Variants in CPNE5 observed in about 807,000 individuals in gnomAD.
CPNE5 encodes copine 5, also known as copine-5.
CPNE5 carries 42 observed loss-of-function variants against 81.1 expected under a neutral mutation model. The observed-to-expected ratio is 0.52, with a 90% CI of 0.40 to 0.67. The LOEUF (loss-of-function observed/expected upper bound fraction) is 0.67, where lower values mean the gene tolerates loss of function less well. Among genes scored for constraint, CPNE5 ranks in the 30% least tolerant of loss-of-function variants. The pLI is 0.00. For missense variants in CPNE5, 612 were observed against 815.5 expected (o/e 0.75, Z 3.04); for synonymous variants, 313 against 321.5 (o/e 0.97, Z 0.28).
chr6:36,756,441 G>A (rs1159460942), intron 12 of CPNE5, 143 bp from the exon 13 acceptor site: 5 of 656,954 alleles, frequency 7.6e-6, no homozygotes, highest in Non-Finnish European at 1.3e-5. Context: ...CAGGGGAGAA[G>A]GGTTTAAGGA....
intron 4 of CPNE5, among the ~76,000 whole-genome samples, 157 bp from the exon 5 acceptor site, chr6:36,798,651 C>T (rs1376406467): frequency 6.6e-6 from 1 of 152,068 alleles, no homozygotes. Flanking sequence ...TGACAGGGAG[C>T]CTTCTGGGTG....
chr6:36,826,772 C>T (rs1276759815), intron 1 of CPNE5, among the ~76,000 whole-genome samples: 1 of 152,256 alleles, frequency 6.6e-6, no homozygotes, highest in Non-Finnish European at 1.5e-5. Context: ...CGGTCAAGCT[C>T]AGGGACGGCC....
At chr6:36,769,693 G>A (rs1766886917) in intron 10 of CPNE5, among the ~76,000 whole-genome samples, 1 of 152,228 alleles carries the variant, frequency 6.6e-6, no homozygotes, top group African/African-American at 2.4e-5. Context: ...AGGTTGCACT[G>A]CGCAACACCG....
intron 3 of CPNE5, among the ~76,000 whole-genome samples, chr6:36,814,978 A>G (rs1477489151): frequency 6.6e-6 from 1 of 151,858 alleles, no homozygotes; most frequent in East Asian, 1.9e-4. Flanking sequence ...ACCAGCCTGA[A>G]ACCAACCCCA....
At chr6:36,756,407 T>A (rs1402628016) in intron 12 of CPNE5, 109 bp from the exon 13 acceptor site, 1 of 883,484 alleles carries the variant, frequency 1.1e-6, no homozygotes, top group Non-Finnish European at 1.8e-6. Flanking sequence ...CCCATTAGAG[T>A]GTGGGGTGTG....
At position 36,766,747 on chromosome 6, in the gene CPNE5, C is replaced by A. The variant is rs534312969; in HGVS notation, c.738-1371G>T. On this transcript the variant is annotated intron_variant, in intron 10 of 20. Coordinates refer to ENST00000244751, the MANE Select transcript of CPNE5 (RefSeq NM_020939.2). The surrounding 1 kb of genome is among the most constrained non-coding windows in gnomAD (Gnocchi z 4.2). The stretch of plus-strand genomic sequence containing the variant: ...GAGAAGTAATAACGGCCTTGCAGAA[C>A]AGCTGCAAGAACAAGCTAGTAAGGC... Among the ~76,000 whole-genome samples the A allele has an allele frequency of 6.6e-6, 1 of 152,296 alleles. No homozygotes were observed. Among genetic ancestry groups the A allele is most frequent in the South Asian group, 2.1e-4 (1 of 4,828 alleles).
chr6:36,839,557 G>T, upstream of CPNE5: 1 of 503,766 alleles, frequency 2.0e-6, no homozygotes, highest in Admixed American at 3.8e-5. This position sits in a 1 kb window ranked among gnomAD's most constrained non-coding sequence, Gnocchi z 7.3. Context: ...CGGAGGGAGC[G>T]GGGGCCGCGG....
chr6:36,839,230 G>T lies in CPNE5; in HGVS notation c.95+53C>A. On this transcript the variant is annotated intron_variant, in intron 1 of 20. Transcript: ENST00000244751. This position sits in a 1 kb window ranked among gnomAD's most constrained non-coding sequence, Gnocchi z 7.3. The stretch of plus-strand genomic sequence containing the variant: ...TTAGGATCGAAGCGGCAGGGGCCGC[G>T]GGGCTCTGCGTCCAGGGCCGGGGCA... 1.5e-6 allele frequency: 2 copies of T among 1,335,790 alleles called. No individual in the cohort carries two copies. Among genetic ancestry groups the T allele is most frequent in the Non-Finnish European group, 2.0e-6 (2 of 979,016 alleles). 82.7% of individuals were successfully genotyped at this position (1,335,790 alleles called of 1,614,324 possible). A position where few individuals can be genotyped will look rare whatever the true frequency, so the allele number is the denominator to read the frequency against.
At chr6:36,794,512 G>T in intron 7 of CPNE5, 78 bp downstream of exon 7, 2 of 1,360,252 alleles carry the variant, frequency 1.5e-6, no homozygotes, top group Non-Finnish European at 2.1e-6. Context: ...CAGGGACGAG[G>T]CCCAGACTCT....
intron 6 of CPNE5, 50 bp downstream of exon 6, chr6:36,798,115 G>T: frequency 6.9e-7 from 1 of 1,453,800 alleles, no homozygotes; most frequent in Non-Finnish European, 9.6e-7. Flanking sequence ...GCCCCCAGCA[G>T]AATGGGCGGG....
At chr6:36,773,564 C>T (rs1055662737) in intron 10 of CPNE5, among the ~76,000 whole-genome samples, 2 of 152,198 alleles carry the variant, frequency 1.3e-5, no homozygotes, top group Admixed American at 1.3e-4. Context: ...GTTCCCTAAA[C>T]ATTTGTGGAT....
Position 36,839,274 on chromosome 6 carries a change from G to C in CPNE5, c.95+9C>G, listed in dbSNP as rs1393361787. On this transcript the variant is annotated intron_variant, in intron 1 of 20. Coordinates refer to ENST00000244751, the MANE Select transcript of CPNE5 (RefSeq NM_020939.2). The surrounding 1 kb of genome is among the most constrained non-coding windows in gnomAD (Gnocchi z 7.3). ...CGGGGCAAGGGGACCCGGCCAGCGG[G>C]AGGCTCACCTGCAGGACACGGTGAT... The C allele has an allele frequency of 6.5e-7, 1 of 1,529,440 alleles. No homozygotes were observed. The highest frequency in any genetic ancestry group is 1.4e-5 in the African/African-American group (1 of 72,256). 94.7% of individuals were successfully genotyped at this position (1,529,440 alleles called of 1,614,324 possible).
At chr6:36,765,457 G>T in intron 10 of CPNE5, 81 bp from the exon 11 acceptor site, 2 of 1,551,532 alleles carry the variant, frequency 1.3e-6, no homozygotes, top group South Asian at 2.3e-5. Flanking sequence ...CATGTTCCCG[G>T]ACCAGATAGG....
chr6:36,839,390 C>G lies in CPNE5; in HGVS notation c.-13G>C, dbSNP rs1364947277. 3 of 1,537,584 alleles carry G rather than the reference C, an allele frequency of 2.0e-6. No homozygotes were observed. In the African/African-American group the frequency reaches 4.1e-5, roughly 21 times the overall value. On this transcript the variant is annotated 5_prime_UTR_variant, in exon 1 of 21. Transcript: ENST00000244751. The surrounding 1 kb of genome is among the most constrained non-coding windows in gnomAD (Gnocchi z 7.3). ...CAGGCTGCTCCATCGCCCACCGCAC[C>G]CCCCACCCCAAATTAGTCAATCCCT...
Position 36,746,649 on chromosome 6 carries a change from G to T in CPNE5, c.1019-72C>A, listed in dbSNP as rs772741848. The T allele has an allele frequency of 6.4e-5, 92 of 1,437,490 alleles. No homozygotes were observed. The highest frequency in any genetic ancestry group is 8.2e-5 in the Non-Finnish European group (87 of 1,055,920). The allele number at this position is 1,437,490 out of a possible 1,614,324, so 89.0% of individuals were successfully genotyped here. A position where few individuals can be genotyped will look rare whatever the true frequency, so the allele number is the denominator to read the frequency against. ...TCACCCCGGGTTCAGAATGAAGAAG[G>T]GGGTGTCCAAGGGCACCCCTAACTT... On this transcript the variant is annotated intron_variant, in intron 15 of 20. Coordinates refer to ENST00000244751, the MANE Select transcript of CPNE5 (RefSeq NM_020939.2). The surrounding 1 kb of genome is among the most constrained non-coding windows in gnomAD (Gnocchi z 4.5).
chr6:36,789,735 C>T (rs1012318026), intron 8 of CPNE5, among the ~76,000 whole-genome samples: 2 of 152,162 alleles, frequency 1.3e-5, no homozygotes, highest in Non-Finnish European at 2.9e-5. Context: ...TGTCCATGAC[C>T]TGGTGCTGAA....
intron 10 of CPNE5, among the ~76,000 whole-genome samples, chr6:36,765,816 C>T (rs1306482507): frequency 3.3e-5 from 5 of 151,304 alleles, no homozygotes; most frequent in Non-Finnish European, 7.4e-5. Context: ...GGTCTGAGGG[C>T]TTTGGGTGTG....
At chr6:36,834,309 G>GGGGGAGGA (rs1773255292) in intron 1 of CPNE5, among the ~76,000 whole-genome samples, 1 of 70,024 alleles carries the variant, frequency 1.4e-5, no homozygotes, top group African/African-American at 6.5e-5. Context: ...GGGAGGGAGG[G>GGGGGAGGA]AGGAAGGAAG....
At chr6:36,815,222 G>T (rs1771442400) in intron 3 of CPNE5, among the ~76,000 whole-genome samples, 1 of 151,730 alleles carries the variant, frequency 6.6e-6, no homozygotes, top group African/African-American at 2.4e-5. Context: ...TCATGTGTTT[G>T]CCATTATCAT....
Sources: allele counts gnomAD v4.1 joint callset (sites outside exome capture counted in the v4.1 genomes callset), GRCh38; gene constraint gnomAD v4.1.1; non-coding constraint Gnocchi (gnomAD v3.1); transcripts MANE v1.5; gene names NCBI Gene and HGNC (gene_info 2026-07-23, HGNC 2026-07-21).